Variants in MND1 observed in about 807,000 individuals in gnomAD.
The protein encoded by MND1 is meiotic nuclear divisions 1.
In MND1, 28 loss-of-function variants were observed where a neutral mutation model predicts 35.1. The observed-to-expected ratio is 0.80, with a 90% CI of 0.59 to 1.09. MND1 has a LOEUF of 1.09. MND1 is among the 50% of genes least tolerant of loss of function. The probability of loss-of-function intolerance (pLI) is 0.00; values close to 1 mark genes in which losing one functional copy is unlikely to be tolerated. For synonymous variants in MND1, 69 were observed against 70.5 expected (o/e 0.98, Z 0.11); for missense variants, 213 against 239.6 (o/e 0.89, Z 0.73).
chr4:153,353,931 G>T (rs1773280746), intron 2 of MND1, among the ~76,000 whole-genome samples: 1 of 152,188 alleles, frequency 6.6e-6, no homozygotes, highest in African/African-American at 2.4e-5. Context: ...TGTTGGCCAT[G>T]CTGGTCTAGA....
At chr4:153,404,924 G>T (rs75531861) in intron 6 of MND1, among the ~76,000 whole-genome samples, 1 of 151,802 alleles carries the variant, frequency 6.6e-6, no homozygotes, top group South Asian at 2.1e-4. Context: ...TTGTAGAGAC[G>T]GGGTCCCACT....
intron 4 of MND1, among the ~76,000 whole-genome samples, chr4:153,363,846 G>T (rs1773558584): frequency 6.6e-6 from 1 of 152,176 alleles, no homozygotes; most frequent in Non-Finnish European, 1.5e-5. Flanking sequence ...CCTAGGATCA[G>T]AGAAATCAGC....
At chr4:153,400,415 C>T (rs773274300) in intron 6 of MND1, among the ~76,000 whole-genome samples, 4 of 152,016 alleles carry the variant, frequency 2.6e-5, no homozygotes, top group Non-Finnish European at 4.4e-5. Flanking sequence ...TTTGCAGGCA[C>T]AGTGGCTCAT....
At chr4:153,389,680 A>T (rs1728966738) in intron 4 of MND1, among the ~76,000 whole-genome samples, 2 of 152,186 alleles carry the variant, frequency 1.3e-5, no homozygotes, top group African/African-American at 4.8e-5. Context: ...TTAAAAGTAT[A>T]GGCTATCACC....
chr4:153,357,544 A>G (rs888250299), intron 3 of MND1, among the ~76,000 whole-genome samples: 2 of 151,938 alleles, frequency 1.3e-5, no homozygotes, highest in African/African-American at 2.4e-5. Flanking sequence ...GTCATCTTAC[A>G]TTGAGTAGGC....
At chr4:153,414,658 A>G in intron 7 of MND1, 93 bp from the exon 8 acceptor site, 1 of 531,554 alleles carries the variant, frequency 1.9e-6, no homozygotes, top group African/African-American at 2.0e-5. Context: ...CTGAAAGTTA[A>G]TAGAAGGAAG....
Position 153,401,795 on chromosome 4 carries a change from T to G in MND1, c.466+4462T>G, listed in dbSNP as rs527283265. ...CTGTAGCCATAACCATTTGTTCATA[T>G]GGGGCATGGCTATGTATTTTCTTAT... On this transcript the variant is annotated intron_variant, in intron 6 of 7. Transcript: ENST00000240488. Among the ~76,000 whole-genome samples, 76 of 152,350 alleles carry G rather than the reference T, an allele frequency of 5.0e-4. 2 individuals carry two copies. The highest frequency in any genetic ancestry group is 4.6e-3 in the Admixed American group (70 of 15,298).
At chr4:153,404,922 A>G (rs1321794987) in intron 6 of MND1, among the ~76,000 whole-genome samples, 1 of 151,708 alleles carries the variant, frequency 6.6e-6, no homozygotes, top group African/African-American at 2.4e-5. Flanking sequence ...TTTTGTAGAG[A>G]CGGGGTCCCA....
At chr4:153,379,480 A>G (rs141799591) in intron 4 of MND1, among the ~76,000 whole-genome samples, 14 of 152,098 alleles carry the variant, frequency 9.2e-5, no homozygotes, top group African/African-American at 3.4e-4. Flanking sequence ...CAAGATGAGG[A>G]TGGCTTAAGT....
intron 4 of MND1, among the ~76,000 whole-genome samples, chr4:153,381,420 T>C (rs1728678013): frequency 6.6e-6 from 1 of 151,138 alleles, no homozygotes; most frequent in African/African-American, 2.4e-5. Flanking sequence ...TTCAAAAATA[T>C]ACTCCCCCCA....
chr4:153,379,881 GTGT>G (rs1328818964), intron 4 of MND1, among the ~76,000 whole-genome samples: 2 of 149,266 alleles, frequency 1.3e-5, no homozygotes, highest in East Asian at 3.9e-4. Context: ...AAAAAATCAG[GTGT>G]TGTGGCGCAC....
intron 7 of MND1, among the ~76,000 whole-genome samples, chr4:153,413,828 T>C (rs922822728): frequency 3.3e-5 from 5 of 152,340 alleles, no homozygotes; most frequent in South Asian, 2.1e-4. Context: ...TTTTCTATTA[T>C]GGCACTGGGA....
intron 1 of MND1, among the ~76,000 whole-genome samples, chr4:153,348,549 G>A (rs1046830815): frequency 1.8e-4 from 27 of 152,172 alleles, no homozygotes; most frequent in African/African-American, 4.6e-4. Flanking sequence ...AAAGTGGACC[G>A]AGGAAGAAGA....
chr4:153,346,327 TCTAA>T (rs1384286629), intron 1 of MND1, among the ~76,000 whole-genome samples: 4 of 152,190 alleles, frequency 2.6e-5, no homozygotes, highest in African/African-American at 9.7e-5. Flanking sequence ...TTCCATAACT[TCTAA>T]CTGAGAAGGT....
rs181365821 is a variant in MND1 at position 153,414,761 on chromosome 4, C to G, written c.522C>G (p.Phe174Leu). 6.9e-7 allele frequency: 1 copy of G among 1,440,650 alleles called. No homozygotes were observed. The highest frequency in any genetic ancestry group is 2.1e-5 in the Admixed American group (1 of 47,840). The allele number at this position is 1,440,650 out of a possible 1,614,324, so 89.2% of individuals were successfully genotyped here. ...EAANRWTDNI[F>L]AIKSWAKRKF... ...CAATTTTCTTTATAGATAACATATT[C>G]GCAATAAAATCTTGGGCCAAAAGAA... The change falls in exon 8 of 8, where the codon TTC becomes TTG. Residue 174 changes from phenylalanine to leucine, a missense_variant. Coordinates refer to ENST00000240488, the MANE Select transcript of MND1 (RefSeq NM_032117.4).
intron 7 of MND1, among the ~76,000 whole-genome samples, chr4:153,410,338 A>G (rs890700425): frequency 3.9e-5 from 6 of 152,004 alleles, no homozygotes; most frequent in Non-Finnish European, 5.9e-5. Context: ...TTTTAAAACC[A>G]TGAGGAAGAA....
At chr4:153,392,247 G>A (rs891023370) in intron 4 of MND1, among the ~76,000 whole-genome samples, 24 of 151,716 alleles carry the variant, frequency 1.6e-4, no homozygotes, top group Non-Finnish European at 2.6e-4. Context: ...GACTACAAGC[G>A]CACGCCACCA....
Position 153,350,969 on chromosome 4 carries a change from AC to A in MND1, c.69+841del, listed in dbSNP as rs1472397678. Among the ~76,000 whole-genome samples, 774 of 144,106 alleles carry A rather than the reference AC, an allele frequency of 5.4e-3. 7 individuals carry two copies. Among genetic ancestry groups the A allele is most frequent in the African/African-American group, 0.019 (710 of 36,420 alleles). 94.5% of individuals were successfully genotyped at this position (144,106 alleles called of 152,430 possible). On this transcript the variant is annotated intron_variant, in intron 2 of 7. Coordinates refer to ENST00000240488, the MANE Select transcript of MND1 (RefSeq NM_032117.4). ...TTCTTAGTAAAAAAAAAAAAAAAAA[AC>A]AAACAAAATACACGGGATTTGCCCA...
At chr4:153,358,087 C>G (rs900961604) in intron 3 of MND1, among the ~76,000 whole-genome samples, 1 of 152,158 alleles carries the variant, frequency 6.6e-6, no homozygotes, top group East Asian at 1.9e-4. Flanking sequence ...ATTTTATTGA[C>G]ATTACTGCTA....
Sources: gnomAD v4.1 joint callset for allele counts (sites outside exome capture counted in the v4.1 genomes callset) on GRCh38, gnomAD v4.1.1 for gene constraint, MANE v1.5 for transcripts, NCBI Gene and HGNC (gene_info 2026-07-23, HGNC 2026-07-21) for gene names.